The following FHIP2A variants were observed in gnomAD, a reference collection of about 807,000 sequenced individuals.
FHIP2A encodes FHF complex subunit HOOK interacting protein 2A.
Under a neutral mutation model 93.5 loss-of-function variants are expected in FHIP2A, and 46 were observed. The ratio of observed to expected loss-of-function variants is 0.49; its 90% CI spans 0.39 to 0.63. The LOEUF is 0.63. FHIP2A is among the 20% of genes least tolerant of loss of function. FHIP2A has a pLI of 0.00. For missense variants in FHIP2A, 769 were observed against 909.7 expected (o/e 0.85, Z 1.99); for synonymous variants, 332 against 326.5 (o/e 1.02, Z -0.18).
intron 2 of FHIP2A, among the ~76,000 whole-genome samples, chr10:114,831,825 TGAATCCAAGTTGTCTAACTCCA>T (rs1337397371): frequency 6.6e-6 from 1 of 152,222 alleles, no homozygotes; most frequent in African/African-American, 2.4e-5. Flanking sequence ...AGCCAAGATT[TGAATCCAAGTTGTCTAACTCCA>T]GGGCCCATGC....
At chr10:114,824,694 T>G (rs1364325303) in intron 1 of FHIP2A, among the ~76,000 whole-genome samples, 2 of 152,228 alleles carry the variant, frequency 1.3e-5, no homozygotes, top group African/African-American at 4.8e-5. Context: ...CAAGGTTAGT[T>G]TCCAGTTATT....
At position 114,822,072 on chromosome 10, in the gene FHIP2A, G is replaced by A. The variant is rs551784914; in HGVS notation, c.-7G>A. On this transcript the variant is annotated 5_prime_UTR_variant, in exon 1 of 17. Transcript: ENST00000369248. Reference sequence around the variant, plus strand: ...CCCGGGAGAGGCTGCTGCAGTCCCGGGACAGGATGTTCTCCAAGTTCACCT... The same window carrying A: ...CCCGGGAGAGGCTGCTGCAGTCCCGAGACAGGATGTTCTCCAAGTTCACCT... The A allele has an allele frequency of 7.5e-7, 1 of 1,334,530 alleles. No individual in the cohort carries two copies. The highest frequency in any genetic ancestry group is 3.3e-5 in the East Asian group (1 of 30,378). 82.7% of individuals were successfully genotyped at this position (1,334,530 alleles called of 1,614,324 possible).
At position 114,864,292 on chromosome 10, in the gene FHIP2A, C is replaced by T. The variant is rs2083817485; in HGVS notation, c.*2752C>T. On this transcript the variant is annotated 3_prime_UTR_variant, in exon 17 of 17. Transcript: ENST00000369248. The stretch of plus-strand genomic sequence containing the variant: ...ATTGCCATTTAATTATGAAGTCCAT[C>T]AGTATTGACAGAAGACGTTACAGTG... The T allele has an allele frequency of 8.1e-6, 8 of 984,236 alleles. No homozygotes were observed. Among genetic ancestry groups the T allele is most frequent in the Non-Finnish European group, 9.7e-6 (8 of 828,494 alleles). The allele number at this position is 984,236 out of a possible 1,614,324, so 61.0% of individuals were successfully genotyped here.
intron 12 of FHIP2A, 28 bp from the exon 13 acceptor site, chr10:114,848,619 T>C: frequency 3.0e-6 from 4 of 1,351,686 alleles, no homozygotes; most frequent in Non-Finnish European, 4.2e-6. Context: ...ATGGACATCT[T>C]GCATAATTGT....
chr10:114,873,939 AT>A (rs1330061439), intron 16 of FHIP2A, among the ~76,000 whole-genome samples: 3 of 133,762 alleles, frequency 2.2e-5, no homozygotes, highest in Non-Finnish European at 3.3e-5. Flanking sequence ...ATTTAGGAAT[AT>A]TCAGGAGGGG....
Position 114,842,957 on chromosome 10 carries a change from A to G in FHIP2A, c.547A>G (p.Lys183Glu). The G allele has an allele frequency of 6.2e-7, 1 of 1,606,792 alleles. No individual in the cohort carries two copies. Among genetic ancestry groups the G allele is most frequent in the Non-Finnish European group, 8.5e-7 (1 of 1,173,952 alleles). Reference sequence around the variant, plus strand: ...GAATAAGATGAAATCATTGGCTTCCAAAGGAGTACCAAATGTAATTTCAGA... The same window carrying G: ...GAATAAGATGAAATCATTGGCTTCCGAAGGAGTACCAAATGTAATTTCAGA... ...LENKMKSLAS[K>E]GVPNVISEDT... Residue 183 changes from lysine (K) to glutamate (E), a missense_variant, in exon 6 of 17, where the codon AAA becomes GAA. Transcript: ENST00000369248.
downstream of FHIP2A, among the ~76,000 whole-genome samples, chr10:114,865,106 G>C (rs1423635680): frequency 2.6e-5 from 4 of 151,928 alleles, no homozygotes; most frequent in Non-Finnish European, 4.4e-5. Flanking sequence ...TCCTGCCCCA[G>C]CCTCCTGAGT....
chr10:114,826,981 C>CA (rs1160253177), intron 1 of FHIP2A, among the ~76,000 whole-genome samples: 2 of 152,000 alleles, frequency 1.3e-5, no homozygotes, highest in Non-Finnish European at 1.5e-5. Context: ...GCAACAAGAG[C>CA]AAAACTCTGT....
intron 1 of FHIP2A, among the ~76,000 whole-genome samples, chr10:114,823,893 C>A (rs1029093983): frequency 3.9e-5 from 6 of 152,078 alleles, no homozygotes; most frequent in African/African-American, 1.4e-4. Context: ...GCTGTCTTAT[C>A]CGTAGGCTCT....
intron 16 of FHIP2A, among the ~76,000 whole-genome samples, chr10:114,897,865 C>T (rs1044479263): frequency 7.9e-5 from 12 of 152,142 alleles, no homozygotes; most frequent in South Asian, 2.1e-4. Context: ...GCCATGATTG[C>T]GCCACTGCAC....
chr10:114,893,378 T>G (rs1191356906), intron 16 of FHIP2A, among the ~76,000 whole-genome samples: 1 of 152,250 alleles, frequency 6.6e-6, no homozygotes, highest in Non-Finnish European at 1.5e-5. Context: ...TCAGTGAACG[T>G]GCTTTGACAA....
At chr10:114,851,405 A>G (rs957640098) in intron 13 of FHIP2A, among the ~76,000 whole-genome samples, 1 of 152,098 alleles carries the variant, frequency 6.6e-6, no homozygotes, top group African/African-American at 2.4e-5. Flanking sequence ...ATATAGTGTG[A>G]GGTGGGGTCC....
intron 5 of FHIP2A, among the ~76,000 whole-genome samples, chr10:114,836,806 TTCA>T (rs1350178556): frequency 6.6e-6 from 1 of 152,254 alleles, no homozygotes; most frequent in Non-Finnish European, 1.5e-5. Context: ...ACTTTTTGCC[TTCA>T]TTCACTTCTT....
At chr10:114,823,471 G>T (rs1218400616) in intron 1 of FHIP2A, among the ~76,000 whole-genome samples, 1 of 138,222 alleles carries the variant, frequency 7.2e-6, no homozygotes, top group Non-Finnish European at 1.7e-5. Flanking sequence ...AAAATACCAA[G>T]AATCATTTAA....
rs552114667 is a variant in FHIP2A, at chr10:114,842,066, T to A, written c.523-867T>A. On this transcript the variant is annotated intron_variant, in intron 5 of 16. Transcript: ENST00000369248. ...AGTAGTTTCTTGGGTTCTCTTTTTTTAAATTTTTTTGAGACAGGGTCTTGC... is the reference window on the plus strand; with the variant it reads ...AGTAGTTTCTTGGGTTCTCTTTTTTAAAATTTTTTTGAGACAGGGTCTTGC... Among the ~76,000 whole-genome samples, 5 of 152,202 alleles carry A rather than the reference T, an allele frequency of 3.3e-5. No homozygotes were observed. The South Asian group carries it at 1.0e-3, about 32-fold the overall frequency.
chr10:114,833,480 A>G (rs911055325), intron 3 of FHIP2A, 78 bp downstream of exon 3: 2 of 1,326,664 alleles, frequency 1.5e-6, no homozygotes, highest in African/African-American at 2.9e-5. Context: ...GCTGCCAAAT[A>G]CTTGATTATA....
At position 114,846,242 on chromosome 10, in the gene FHIP2A, G is replaced by A. The variant is rs143648914; in HGVS notation, c.1273G>A (p.Val425Ile). 960 of 1,614,028 alleles carry A rather than the reference G, an allele frequency of 5.9e-4. 1 individual carries two copies. The highest frequency in any genetic ancestry group is 7.6e-4 in the Non-Finnish European group (892 of 1,180,026). Residue 425 changes from valine to isoleucine, a missense_variant, in exon 10 of 17, where the codon GTT becomes ATT. Coordinates refer to ENST00000369248, the MANE Select transcript of FHIP2A (RefSeq NM_020940.4). ...HRIVRQVTSD[V>I]LLQEMVFFIL... ...CATCGTTCGGCAAGTGACCTCTGATGTTTTGCTTCAAGAAATGGTGTTTTT... is the reference window on the plus strand; with the variant it reads ...CATCGTTCGGCAAGTGACCTCTGATATTTTGCTTCAAGAAATGGTGTTTTT...
chr10:114,855,416 T>C, intron 14 of FHIP2A, 76 bp downstream of exon 14: 1 of 1,230,056 alleles, frequency 8.1e-7, no homozygotes, highest in Non-Finnish European at 1.1e-6. Flanking sequence ...TCTTAGTAGA[T>C]CTTCAATAAA....
intron 13 of FHIP2A, among the ~76,000 whole-genome samples, chr10:114,854,945 G>A (rs1196527359): frequency 6.6e-6 from 1 of 152,060 alleles, no homozygotes; most frequent in African/African-American, 2.4e-5. Context: ...AGCTGTTAGG[G>A]GTATTTTAGT....
Sources: gnomAD v4.1 joint callset for allele counts (sites outside exome capture counted in the v4.1 genomes callset) on GRCh38, gnomAD v4.1.1 for gene constraint, MANE v1.5 for transcripts, NCBI Gene and HGNC (gene_info 2026-07-23, HGNC 2026-07-21) for gene names.